The following CRB1 variants were observed in gnomAD, a reference collection of about 807,000 sequenced individuals.
The protein encoded by CRB1 is protein crumbs homolog 1.
In CRB1, 83 loss-of-function variants were observed where a neutral mutation model predicts 120.0. The observed-to-expected ratio is 0.69, with a 90% CI of 0.58 to 0.83. The LOEUF (loss-of-function observed/expected upper bound fraction) is 0.83, where lower values mean the gene tolerates loss of function less well. Among genes scored for constraint, CRB1 ranks in the 40% least tolerant of loss-of-function variants. The probability of loss-of-function intolerance (pLI) is 0.00; values close to 1 mark genes in which losing one functional copy is unlikely to be tolerated. For synonymous variants in CRB1, 625 were observed against 612.5 expected, an observed-to-expected ratio of 1.02 and a Z score of -0.30; for missense variants, 1,699 against 1,687.6, an observed-to-expected ratio of 1.01 and a Z score of -0.12.
chr1:197,293,373 T>A (rs1201134119), intron 1 of CRB1, among the ~76,000 whole-genome samples: 1 of 152,012 alleles, frequency 6.6e-6, no homozygotes, highest in East Asian at 1.9e-4. Flanking sequence ...AAGGACCTCT[T>A]CAAGGAGAAC....
rs1558076358 is a variant in CRB1, at chr1:197,354,842, ACCCCCC to A, written c.989-1981_989-1976del. Among the ~76,000 whole-genome samples, 44 of 8,080 alleles carry A rather than the reference ACCCCCC, an allele frequency of 5.4e-3. 4 individuals are homozygous for A. The highest frequency in any genetic ancestry group is 7.4e-3 in the Non-Finnish European group (34 of 4,570). The allele number at this position is 8,080 out of a possible 152,430, so 5.3% of individuals were successfully genotyped here. On this transcript the variant is annotated intron_variant, in intron 4 of 11. Coordinates refer to ENST00000367400, the MANE Select transcript of CRB1 (RefSeq NM_201253.3). The stretch of plus-strand genomic sequence containing the variant: ...GCCCCCCCACCCCCCCCCCCCGCCC[ACCCCCC>A]CCCCCCCGCCCACCCACCCACATCC...
intron 2 of CRB1, among the ~76,000 whole-genome samples, chr1:197,341,376 C>G (rs889468698): frequency 3.3e-5 from 5 of 152,058 alleles, no homozygotes; most frequent in Admixed American, 1.3e-4. Flanking sequence ...AACCCCATCT[C>G]TACAAAAAAT....
At chr1:197,466,943 C>G (rs956493667) in intron 11 of CRB1, among the ~76,000 whole-genome samples, 3 of 152,164 alleles carry the variant, frequency 2.0e-5, no homozygotes, top group Admixed American at 6.5e-5. Flanking sequence ...CACAGGCAGG[C>G]AGGGTCAGGG....
chr1:197,223,995 A>G, the CRB1 span, among the ~76,000 whole-genome samples: 1 of 152,126 alleles, frequency 6.6e-6, no homozygotes, highest in East Asian at 1.9e-4. Flanking sequence ...GTAAGGTACT[A>G]TGGTTTGTGG....
chr1:197,353,134 T>C (rs1660201360), intron 4 of CRB1, among the ~76,000 whole-genome samples: 1 of 152,110 alleles, frequency 6.6e-6, no homozygotes, highest in Non-Finnish European at 1.5e-5. Context: ...AAGAAAAGAA[T>C]TGGGTGGCAT....
intron 5 of CRB1, among the ~76,000 whole-genome samples, chr1:197,392,913 A>G (rs1662581466): frequency 6.6e-6 from 1 of 152,136 alleles, no homozygotes; most frequent in African/African-American, 2.4e-5. Context: ...GAATCAGCTT[A>G]TAAATGCAGG....
chr1:197,412,091 G>A (rs964713028), intron 5 of CRB1, among the ~76,000 whole-genome samples: 3 of 152,152 alleles, frequency 2.0e-5, no homozygotes, highest in South Asian at 2.1e-4. Flanking sequence ...TATTCTATAC[G>A]GTGGAACACA....
chr1:197,363,333 A>C (rs987621175), intron 5 of CRB1, among the ~76,000 whole-genome samples: 4 of 150,110 alleles, frequency 2.7e-5, no homozygotes, highest in African/African-American at 9.8e-5. Context: ...TTTTTTTTTT[A>C]AATCATTTTA....
intron 11 of CRB1, among the ~76,000 whole-genome samples, chr1:197,460,289 C>T (rs1477690298): frequency 6.6e-6 from 1 of 152,090 alleles, no homozygotes; most frequent in African/African-American, 2.4e-5. Flanking sequence ...TATTTACTCA[C>T]TTCAGAAAAT....
At chr1:197,384,493 T>C (rs1662115262) in intron 5 of CRB1, among the ~76,000 whole-genome samples, 1 of 152,150 alleles carries the variant, frequency 6.6e-6, no homozygotes, top group African/African-American at 2.4e-5. Context: ...TTAAGACCCT[T>C]GTCTTAATTC....
At chr1:197,303,106 C>T (rs557159448) in intron 1 of CRB1, among the ~76,000 whole-genome samples, 1 of 146,578 alleles carries the variant, frequency 6.8e-6, no homozygotes, top group Non-Finnish European at 1.5e-5. Flanking sequence ...GCCAATTATT[C>T]TTTTATTTAT....
intron 5 of CRB1, among the ~76,000 whole-genome samples, chr1:197,386,194 T>C (rs1280175310): frequency 6.6e-6 from 1 of 152,100 alleles, no homozygotes; most frequent in Non-Finnish European, 1.5e-5. Flanking sequence ...AGTTTCTTGC[T>C]ATGTAACCAA....
intron 5 of CRB1, among the ~76,000 whole-genome samples, chr1:197,365,332 T>C (rs541076120): frequency 6.6e-5 from 10 of 152,130 alleles, no homozygotes; most frequent in Non-Finnish European, 1.0e-4. Context: ...CTAGGCTGAA[T>C]ACCTGTTGTG....
chr1:197,216,494 T>C, the CRB1 span, among the ~76,000 whole-genome samples: 65 of 152,354 alleles, frequency 4.3e-4, no homozygotes, highest in Non-Finnish European at 9.1e-4. Context: ...ATACTGTATC[T>C]TGCTGATATT....
At chr1:197,268,619 T>C (rs568002162) in intron 1 of CRB1, 137 bp downstream of exon 1, 37 of 672,550 alleles carry the variant, frequency 5.5e-5, no homozygotes, top group African/African-American at 1.8e-5. Context: ...TTTTTTTAAG[T>C]GTCCTGTGTT....
chr1:197,341,708 C>T (rs1301891633), intron 2 of CRB1, among the ~76,000 whole-genome samples: 3 of 151,570 alleles, frequency 2.0e-5, no homozygotes, highest in African/African-American at 4.9e-5. Flanking sequence ...ATAAACCAAA[C>T]ATTTTTTTTC....
intron 4 of CRB1, among the ~76,000 whole-genome samples, chr1:197,349,591 T>C (rs1406001125): frequency 6.6e-6 from 1 of 152,226 alleles, no homozygotes; most frequent in African/African-American, 2.4e-5. Flanking sequence ...TGGAGACTAG[T>C]CAATCTAATC....
At chr1:197,252,813 G>C in the CRB1 span, among the ~76,000 whole-genome samples, 1 of 151,284 alleles carries the variant, frequency 6.6e-6, no homozygotes, top group African/African-American at 2.4e-5. Context: ...CGATGTCTGA[G>C]GGCAGGAGAA....
chr1:197,255,201 C>T, the CRB1 span, among the ~76,000 whole-genome samples: 1 of 152,012 alleles, frequency 6.6e-6, no homozygotes. Context: ...AGGTGCACTG[C>T]CCTACCCTAG....
Sources: allele counts gnomAD v4.1 joint callset (sites outside exome capture counted in the v4.1 genomes callset), GRCh38; gene constraint gnomAD v4.1.1; transcripts MANE v1.5; gene names NCBI Gene and HGNC (gene_info 2026-07-23, HGNC 2026-07-21).